Variants in RAI1 observed in about 807,000 individuals in gnomAD.
RAI1 encodes the protein retinoic acid-induced protein 1.
RAI1 carries 9 observed loss-of-function variants against 123.8 expected under a neutral mutation model. The observed-to-expected ratio is 0.07, with a 90% confidence interval of 0.04 to 0.13. The LOEUF (loss-of-function observed/expected upper bound fraction) is 0.13, where lower values mean the gene tolerates loss of function less well. Ranked by LOEUF, RAI1 falls within the 10% of genes least tolerant of loss-of-function variation. The pLI, the probability that RAI1 is intolerant of heterozygous loss-of-function variation, is 1.00. For missense variants in RAI1, 2,256 were observed against 2,545.8 expected, an observed-to-expected ratio of 0.89 and a Z score of 2.45; for synonymous variants, 1,231 against 1,127.3, an observed-to-expected ratio of 1.09 and a Z score of -1.84.
intron 4 of RAI1, 44 bp downstream of exon 4, chr17:17,803,893 A>G (rs1322749886): frequency 1.3e-6 from 2 of 1,578,236 alleles, no homozygotes; most frequent in African/African-American, 1.3e-5. Context: ...AGCCCATCCA[A>G]GCAGTCCAGG....
chr17:17,798,272 G>C lies in RAI1; in HGVS notation c.5324G>C (p.Gly1775Ala). The change falls in exon 3 of 6, where the codon GGC becomes GCC. Residue 1775 changes from glycine (G) to alanine (A), a missense_variant. Physicochemically the swap from Gly to Ala is moderately conservative, Grantham distance 60. Transcript: ENST00000353383. ...KQGPLRTSAR[G>A]LSRRLQSCYC... ...GGCCCACTGCGCACCAGTGCCCGGG[G>C]CCTGTCCCGGAGGCTGCAGAGCTGC... 6.2e-7 allele frequency: 1 copy of C among 1,600,504 alleles called. No homozygotes were observed. The highest frequency in any genetic ancestry group is 8.5e-7 in the Non-Finnish European group (1 of 1,173,140).
At chr17:17,802,167 C>G (rs1183022024) in intron 3 of RAI1, 1 of 470,920 alleles carries the variant, frequency 2.1e-6, no homozygotes, top group Non-Finnish European at 4.4e-6. Context: ...AGCAGCTGGT[C>G]CAGGTGTGGG....
At chr17:17,694,149 G>C (rs1914930561) in intron 1 of RAI1, among the ~76,000 whole-genome samples, 1 of 152,228 alleles carries the variant, frequency 6.6e-6, no homozygotes, top group South Asian at 2.1e-4. Context: ...TCTCCTGGGA[G>C]GGCAGCGACT....
intron 2 of RAI1, among the ~76,000 whole-genome samples, chr17:17,787,412 C>T (rs957210305): frequency 6.6e-6 from 1 of 152,200 alleles, no homozygotes; most frequent in African/African-American, 2.4e-5. Context: ...TTGACAGAGA[C>T]ACAGAGAGGT....
At position 17,798,168 on chromosome 17, in the gene RAI1, C is replaced by G. The variant is rs1759071; in HGVS notation, c.5220C>G (p.Leu1740=). The change falls in exon 3 of 6, where the codon CTC becomes CTG. Residue 1740 remains leucine (L), a synonymous_variant. Transcript: ENST00000353383. The stretch of plus-strand genomic sequence containing the variant: ...CCTCGCTGCCGCTTGAGAGAACACT[C>G]AAAGGTCCCGAGTGTGCAGCTGCCG... ...EEASLPLERT[L]KGPECAAAAT... is the part of the protein sequence containing the mutation. 6.2e-7 allele frequency: 1 copy of G among 1,613,144 alleles called. No homozygotes were observed. Among genetic ancestry groups the G allele is most frequent in the Non-Finnish European group, 8.5e-7 (1 of 1,180,012 alleles).
rs749158649 is a variant in RAI1 at position 17,793,011 on chromosome 17, G to A, written c.63G>A (p.Ser21=). Reference sequence around the variant, plus strand: ...AACAACAGAACTACCAGCAGACCTCGCAGGAAACATCACGCCTAGAGAATT... The same window carrying A: ...AACAACAGAACTACCAGCAGACCTCACAGGAAACATCACGCCTAGAGAATT... The part of the protein sequence containing the change: ...HGKQQNYQQT[S]QETSRLENYR... The change falls in exon 3 of 6, where the codon TCG becomes TCA. Residue 21 remains serine (S), a synonymous_variant. Coordinates refer to ENST00000353383, the MANE Select transcript of RAI1 (RefSeq NM_030665.4). 30 of 1,613,860 alleles carry A rather than the reference G, an allele frequency of 1.9e-5. No individual in the cohort carries two copies. Among genetic ancestry groups the A allele is most frequent in the Admixed American group, 1.2e-4 (7 of 59,990 alleles).
At chr17:17,768,114 G>A (rs1041971855) in intron 2 of RAI1, among the ~76,000 whole-genome samples, 1 of 152,212 alleles carries the variant, frequency 6.6e-6, no homozygotes, top group Admixed American at 6.5e-5. Flanking sequence ...GATGTCACAG[G>A]TGTAATATGA....
rs543504691 is a variant in RAI1 at position 17,787,035 on chromosome 17, C to T, written c.-16-5898C>T. Among the ~76,000 whole-genome samples, 3 of 152,348 alleles carry T rather than the reference C, an allele frequency of 2.0e-5. No homozygotes were observed. The South Asian group carries it at 6.2e-4, about 32-fold the overall frequency. ...TAGCCTAGGCAACAGGAGGGAAACT[C>T]TGTCTCAAAAAAACAAACAAACAAA... On this transcript the variant is annotated intron_variant, in intron 2 of 5. Transcript: ENST00000353383.
intron 2 of RAI1, among the ~76,000 whole-genome samples, chr17:17,753,306 G>C (rs921317553): frequency 1.3e-5 from 2 of 152,202 alleles, no homozygotes; most frequent in East Asian, 1.9e-4. Context: ...CTGACTCTTC[G>C]TTTGTGTATT....
chr17:17,761,454 G>C (rs2030693017), intron 2 of RAI1, among the ~76,000 whole-genome samples: 2 of 152,168 alleles, frequency 1.3e-5, no homozygotes, highest in African/African-American at 2.4e-5. Flanking sequence ...GAAGCAGCAG[G>C]CTCGCTGGGA....
At chr17:17,778,347 G>A (rs767604137) in intron 2 of RAI1, 14 of 231,796 alleles carry the variant, frequency 6.0e-5, no homozygotes, top group Non-Finnish European at 8.7e-5. Context: ...CCATGAACTG[G>A]TGGCCCTGGA....
chr17:17,798,110 A>G lies in RAI1; in HGVS notation c.5162A>G (p.Glu1721Gly), dbSNP rs2032330289. 5 of 1,613,904 alleles carry G rather than the reference A, an allele frequency of 3.1e-6. No homozygotes were observed. The highest frequency in any genetic ancestry group is 4.2e-6 in the Non-Finnish European group (5 of 1,180,028). ...CCCAAAAAGAAGCCAAAACTCAAGG[A>G]GAAGGTGCGGCCAGAAGGCACCTGT... ...CLPKKKPKLKEKVRPEGTCEE... is the reference protein window; with the variant it reads ...CLPKKKPKLKGKVRPEGTCEE... Residue 1721 changes from glutamate to glycine, a missense_variant, in exon 3 of 6, where the codon GAG becomes GGG. Glu to Gly is a moderately conservative substitution (Grantham distance 98, BLOSUM62 -2). Transcript: ENST00000353383.
intron 1 of RAI1, chr17:17,684,028 C>T (rs1212474840): frequency 6.6e-6 from 1 of 152,166 alleles, no homozygotes; most frequent in African/African-American, 2.4e-5. Context: ...CGCCCGACAC[C>T]ACACGTAGCT....
chr17:17,711,545 G>A (rs1378097724), intron 1 of RAI1, among the ~76,000 whole-genome samples: 2 of 152,208 alleles, frequency 1.3e-5, no homozygotes, highest in East Asian at 1.9e-4. Context: ...GAAGTGGGAG[G>A]TGTACACGGG....
At chr17:17,766,808 A>G (rs2030951334) in intron 2 of RAI1, among the ~76,000 whole-genome samples, 1 of 152,196 alleles carries the variant, frequency 6.6e-6, no homozygotes, top group African/African-American at 2.4e-5. Flanking sequence ...GGAGGCAGGA[A>G]AGGAGCCACT....
chr17:17,717,030 G>T (rs1915733683), intron 1 of RAI1, among the ~76,000 whole-genome samples: 1 of 152,224 alleles, frequency 6.6e-6, no homozygotes. Flanking sequence ...TGTGGCTGGG[G>T]CCTGTGCCTG....
Position 17,751,138 on chromosome 17 carries a change from G to A in RAI1, c.-17+26979G>A, listed in dbSNP as rs182919011. ...TTAGCAGCCCTCCATGCAGGAAAGC[G>A]GGAGGGAGGGGTGTGTGGCCAGTGC... On this transcript the variant is annotated intron_variant, in intron 2 of 5. Coordinates refer to ENST00000353383, the MANE Select transcript of RAI1 (RefSeq NM_030665.4). Among the ~76,000 whole-genome samples, 298 of 152,330 alleles carry A rather than the reference G, an allele frequency of 2.0e-3. 1 individual carries two copies. Among genetic ancestry groups the A allele is most frequent in the African/African-American group, 6.9e-3 (285 of 41,562 alleles).
chr17:17,787,824 G>A (rs1351358336), intron 2 of RAI1, among the ~76,000 whole-genome samples: 1 of 152,208 alleles, frequency 6.6e-6, no homozygotes, highest in Non-Finnish European at 1.5e-5. Context: ...GCGGGTGGGC[G>A]TGGTTAGGCC....
chr17:17,777,641 C>G (rs1291937141), intron 2 of RAI1: 1 of 152,172 alleles, frequency 6.6e-6, no homozygotes, highest in East Asian at 1.9e-4. Context: ...ATGCTCAGGC[C>G]TCAGACCTGT....
Sources: allele counts gnomAD v4.1 joint callset (sites outside exome capture counted in the v4.1 genomes callset), GRCh38; gene constraint gnomAD v4.1.1; transcripts MANE v1.5; gene names NCBI Gene and HGNC (gene_info 2026-07-23, HGNC 2026-07-21).